The following DBF4B variants were observed in gnomAD, a reference collection of about 807,000 sequenced individuals.
The protein encoded by DBF4B is DBF4B-CDC7 kinase regulatory subunit.
In DBF4B, 49 loss-of-function variants were observed where a neutral mutation model predicts 53.4. That is an observed-to-expected ratio of 0.92 (90% CI 0.73 to 1.16). The LOEUF is 1.16. Among genes scored for constraint, DBF4B ranks in the 50% most tolerant of loss-of-function variants. The probability of loss-of-function intolerance (pLI) is 0.00; values close to 1 mark genes in which losing one functional copy is unlikely to be tolerated. For synonymous variants in DBF4B, 257 were observed against 288.7 expected (o/e 0.89, Z 1.11); for missense variants, 692 against 775.0 (o/e 0.89, Z 1.27).
At chr17:44,709,048 A>G in intron 1 of DBF4B, 1 of 762,122 alleles carries the variant, frequency 1.3e-6, no homozygotes, top group East Asian at 2.6e-5. Context: ...GCCTGGAGGG[A>G]TGTATGGAGA....
At chr17:44,727,815 A>G (rs1224813184) in intron 3 of DBF4B, among the ~76,000 whole-genome samples, 3 of 150,974 alleles carry the variant, frequency 2.0e-5, no homozygotes, top group Non-Finnish European at 2.9e-5. Context: ...CTCCTTCCTC[A>G]GCCTCCAGAG....
chr17:44,729,275 C>A (rs1303102275), intron 3 of DBF4B, among the ~76,000 whole-genome samples: 8 of 149,896 alleles, frequency 5.3e-5, no homozygotes, highest in Non-Finnish European at 1.2e-4. Flanking sequence ...AGTCATAGCT[C>A]ACTGCATCAC....
intron 1 of DBF4B, 108 bp downstream of exon 1, chr17:44,708,947 C>G: frequency 6.8e-7 from 1 of 1,462,452 alleles, no homozygotes; most frequent in Non-Finnish European, 9.2e-7. Flanking sequence ...GGGTAGGTGC[C>G]GAAGCTGAGG....
At position 44,751,942 on chromosome 17, in the gene DBF4B, C is replaced by T. The variant is rs772855048; in HGVS notation, c.*689C>T. 1 of 1,536,000 alleles carries T rather than the reference C, an allele frequency of 6.5e-7. No individual in the cohort carries two copies. Among genetic ancestry groups the T allele is most frequent in the South Asian group, 1.2e-5 (1 of 84,040 alleles). On this transcript the variant is annotated 3_prime_UTR_variant, in exon 14 of 14. Transcript: ENST00000315005. ...CATTCCCTCGTTCGTTCATTCAGCA[C>T]AGGCCTTGCCGTCTGCCCTGAGTCA...
intron 1 of DBF4B, 56 bp from the exon 2 acceptor site, chr17:44,709,248 A>G (rs1293970777): frequency 1.9e-6 from 3 of 1,608,444 alleles, no homozygotes; most frequent in Non-Finnish European, 2.6e-6. Context: ...GGCGGGAGGC[A>G]TGGAAGTTCC....
Position 44,750,709 on chromosome 17 carries a change from C to G in DBF4B, c.1304C>G (p.Pro435Arg). 6.2e-7 allele frequency: 1 copy of G among 1,614,130 alleles called. No homozygotes were observed. The highest frequency in any genetic ancestry group is 1.1e-5 in the South Asian group (1 of 91,088). The change falls in exon 14 of 14, where the codon CCC becomes CGC. Residue 435 changes from proline (P) to arginine (R), a missense_variant. Coordinates refer to ENST00000315005, the MANE Select transcript of DBF4B (RefSeq NM_145663.3). The part of the protein sequence containing the change: ...VSATTLLPAL[P>R]KGSREQGCLC... The stretch of plus-strand genomic sequence containing the variant: ...GCCACAACCCTCCTGCCGGCCTTGC[C>G]CAAGGGCTCCAGGGAGCAGGGCTGC...
At chr17:44,714,515 T>C (rs1029556358) in intron 2 of DBF4B, among the ~76,000 whole-genome samples, 6 of 152,054 alleles carry the variant, frequency 3.9e-5, no homozygotes, top group African/African-American at 1.4e-4. Context: ...GAGGTATCCT[T>C]CATTCCATTT....
chr17:44,731,279 G>A (rs1974809293), intron 5 of DBF4B: 7 of 425,280 alleles, frequency 1.6e-5, no homozygotes, highest in Non-Finnish European at 2.7e-5. Flanking sequence ...GATGTGGCGG[G>A]ACAGGGTTGC....
chr17:44,725,650 T>C (rs1212779647), intron 3 of DBF4B, among the ~76,000 whole-genome samples: 4 of 151,202 alleles, frequency 2.6e-5, no homozygotes, highest in African/African-American at 4.9e-5. Context: ...CCATCTACCT[T>C]CTGCCTCCAT....
intron 8 of DBF4B, among the ~76,000 whole-genome samples, chr17:44,737,967 G>A (rs1975621635): frequency 6.6e-6 from 1 of 152,210 alleles, no homozygotes; most frequent in Non-Finnish European, 1.5e-5. Context: ...GGGCTAGGAA[G>A]GACCTGGGAC....
intron 3 of DBF4B, among the ~76,000 whole-genome samples, chr17:44,725,214 C>T (rs997396698): frequency 2.0e-5 from 3 of 151,662 alleles, no homozygotes; most frequent in African/African-American, 7.3e-5. Context: ...TATCTGAGCT[C>T]AGGAGTTTGA....
At chr17:44,734,755 ATAGC>A (rs1398983437) in intron 7 of DBF4B, among the ~76,000 whole-genome samples, 3 of 152,244 alleles carry the variant, frequency 2.0e-5, no homozygotes, top group Non-Finnish European at 2.9e-5. Context: ...ACGAACAGTA[ATAGC>A]TATTAGTTAA....
Position 44,747,649 on chromosome 17 carries a change from C to T in DBF4B, c.1064+134C>T, listed in dbSNP as rs1598864073. 1.0e-5 allele frequency: 13 copies of T among 1,253,670 alleles called. No homozygotes were observed. The East Asian group carries it at 3.1e-4, about 30-fold the overall frequency. 77.7% of individuals were successfully genotyped at this position (1,253,670 alleles called of 1,614,324 possible). Reference sequence around the variant, plus strand: ...TCCTCTTTTCTCACCTTCCTTTCCCCTTATCCTCAGTCCTGTTTGTTTTGG... The same window carrying T: ...TCCTCTTTTCTCACCTTCCTTTCCCTTTATCCTCAGTCCTGTTTGTTTTGG... On this transcript the variant is annotated intron_variant, in intron 12 of 13. Transcript: ENST00000315005.
chr17:44,746,350 T>TG (rs1567674678), intron 10 of DBF4B, among the ~76,000 whole-genome samples: 1 of 151,934 alleles, frequency 6.6e-6, no homozygotes, highest in African/African-American at 2.4e-5. Context: ...TGAACCAAGC[T>TG]GGGGAGACAT....
At chr17:44,736,988 T>C in intron 8 of DBF4B, 122 bp downstream of exon 8, 1 of 1,200,996 alleles carries the variant, frequency 8.3e-7, no homozygotes, top group African/African-American at 1.5e-5. Context: ...CCAGGTTATC[T>C]TGCCCCTTTG....
In DBF4B at chr17:44,738,404, CA is replaced by C. The variant is rs749126572; in HGVS notation, c.697del (p.Ile233SerfsTer155). 6.2e-7 allele frequency: 1 copy of C among 1,613,840 alleles called. No homozygotes were observed. Among genetic ancestry groups the C allele is most frequent in the Non-Finnish European group, 8.5e-7 (1 of 1,179,782 alleles). On this transcript the variant is annotated frameshift_variant, in exon 9 of 14. Transcript: ENST00000315005. LOFTEE classifies it high-confidence loss of function. ...TGGCCAGACTGAAGGCCCCGTTCCT[CA>C]AAATCGAAGATGAAAGCAGGTGAGT... ...KVARLKAPFL[K>X]IEDESRKFRP...
rs1037800864 is a variant in DBF4B, at chr17:44,751,799, G to T, written c.*546G>T. The stretch of plus-strand genomic sequence containing the variant: ...ATTCCAAGGTCATGGACAGGCTACT[G>T]GTGACCAAAGTTGGTTCCTTTTCTC... On this transcript the variant is annotated 3_prime_UTR_variant, in exon 14 of 14. Coordinates refer to ENST00000315005, the MANE Select transcript of DBF4B (RefSeq NM_145663.3). 124 of 1,524,422 alleles carry T rather than the reference G, an allele frequency of 8.1e-5. No individual in the cohort carries two copies. Among genetic ancestry groups the T allele is most frequent in the Non-Finnish European group, 1.1e-4 (122 of 1,140,326 alleles). The allele number at this position is 1,524,422 out of a possible 1,614,324, so 94.4% of individuals were successfully genotyped here. A position where few individuals can be genotyped will look rare whatever the true frequency, so the allele number is the denominator to read the frequency against.
chr17:44,747,090 A>G lies in DBF4B; in HGVS notation c.838A>G (p.Lys280Glu). ...LGSMHHTRES[K>E]DGEPSPRSAA... is the part of the protein sequence containing the mutation. ...ACTATGTACCCTCCCCAGAGAATCCAAGGATGGAGAGCCAAGCCCACGATC... is the reference window on the plus strand; with the variant it reads ...ACTATGTACCCTCCCCAGAGAATCCGAGGATGGAGAGCCAAGCCCACGATC... Residue 280 changes from lysine to glutamate, a missense_variant, in exon 11 of 14, where the codon AAG (lysine) becomes GAG (glutamate). Around this residue, in one of 3 missense-constraint regions of DBF4B, gnomAD observed 597 missense variants for 665.8 expected, o/e 0.90. Coordinates refer to ENST00000315005, the MANE Select transcript of DBF4B (RefSeq NM_145663.3). 1 of 1,614,040 alleles carries G rather than the reference A, an allele frequency of 6.2e-7. No homozygotes were observed. Among genetic ancestry groups the G allele is most frequent in the Non-Finnish European group, 8.5e-7 (1 of 1,179,974 alleles).
At chr17:44,712,562 C>T (rs752205996) in intron 2 of DBF4B, among the ~76,000 whole-genome samples, 1 of 151,918 alleles carries the variant, frequency 6.6e-6, no homozygotes, top group Non-Finnish European at 1.5e-5. Flanking sequence ...TCTCAGACTC[C>T]CAAAGTGCTG....
Sources: gnomAD v4.1 joint callset for allele counts (sites outside exome capture counted in the v4.1 genomes callset) on GRCh38, gnomAD v4.1.1 for gene constraint, gnomAD v4.1.1 regional missense constraint, MANE v1.5 for transcripts, NCBI Gene and HGNC (gene_info 2026-07-23, HGNC 2026-07-21) for gene names.